SLC9A9: variants seen among roughly 807,000 people sequenced by gnomAD.
SLC9A9 encodes sodium/hydrogen exchanger 9.
A neutral mutation model predicts 77.8 loss-of-function variants in SLC9A9; 62 were observed. That is an observed-to-expected ratio of 0.80 (90% CI 0.65 to 0.98). The LOEUF (loss-of-function observed/expected upper bound fraction) is 0.98. Among genes scored for constraint, SLC9A9 ranks in the 50% least tolerant of loss-of-function variants. SLC9A9 has a pLI of 0.00. For missense variants in SLC9A9, 775 were observed against 774.9 expected (o/e 1.00, Z 0.00); for synonymous variants, 320 against 283.5 (o/e 1.13, Z -1.29).
intron 6 of SLC9A9, among the ~76,000 whole-genome samples, chr3:143,631,443 A>G (rs1381154925): frequency 6.6e-6 from 1 of 152,126 alleles, no homozygotes; most frequent in Non-Finnish European, 1.5e-5. Context: ...CTTTCATATC[A>G]AGGAGAGGGT....
At position 143,704,374 on chromosome 3, in the gene SLC9A9, C is replaced by G. The variant is rs143433400; in HGVS notation, c.534-11067G>C. 5.0e-3 allele frequency among the ~76,000 whole-genome samples: 756 copies of G among 152,250 alleles called. 10 individuals are homozygous for G. Among genetic ancestry groups the G allele is most frequent in the African/African-American group, 0.017 (695 of 41,556 alleles). ...ATAACGCACTGAAAACATCATTCAT[C>G]ATGACGAAGTGGAATTTATCCCAGG... On this transcript the variant is annotated intron_variant, in intron 4 of 15. Coordinates refer to ENST00000316549, the MANE Select transcript of SLC9A9 (RefSeq NM_173653.4).
At chr3:143,435,188 G>A (rs886934176) in intron 12 of SLC9A9, among the ~76,000 whole-genome samples, 3 of 151,706 alleles carry the variant, frequency 2.0e-5, no homozygotes, top group East Asian at 1.9e-4. Flanking sequence ...TTGTATTTTC[G>A]TATGCCTTTT....
At chr3:143,542,493 G>A (rs2036706051) in intron 9 of SLC9A9, among the ~76,000 whole-genome samples, 2 of 152,142 alleles carry the variant, frequency 1.3e-5, no homozygotes, top group Non-Finnish European at 2.9e-5. Flanking sequence ...GAAAGTGACT[G>A]CTTTTGTTAA....
intron 12 of SLC9A9, among the ~76,000 whole-genome samples, chr3:143,430,997 T>A (rs1226096322): frequency 6.6e-6 from 1 of 152,224 alleles, no homozygotes; most frequent in Admixed American, 6.5e-5. Flanking sequence ...TCACTGATTT[T>A]ATCCACTAGT....
At chr3:143,560,255 C>T (rs1286386747) in intron 8 of SLC9A9, among the ~76,000 whole-genome samples, 1 of 152,206 alleles carries the variant, frequency 6.6e-6, no homozygotes, top group Admixed American at 6.5e-5. Context: ...TTGGACCACA[C>T]TTTGAGGAGC....
chr3:143,563,113 G>A (rs893394927), intron 8 of SLC9A9, among the ~76,000 whole-genome samples: 12 of 152,012 alleles, frequency 7.9e-5, no homozygotes, highest in African/African-American at 2.7e-4. Flanking sequence ...TAAAAGAACT[G>A]TTTTGAAAAA....
At chr3:143,372,070 T>C (rs2033071584) in intron 13 of SLC9A9, 5 of 329,374 alleles carry the variant, frequency 1.5e-5, no homozygotes, top group South Asian at 1.3e-4. Flanking sequence ...AAATCATAGA[T>C]CCAAATAAAT....
At chr3:143,573,274 C>T (rs774159203) in intron 8 of SLC9A9, among the ~76,000 whole-genome samples, 42 of 152,134 alleles carry the variant, frequency 2.8e-4, no homozygotes, top group Non-Finnish European at 4.7e-4. Context: ...TCTTACCATT[C>T]GAATGTCCGT....
rs899841651 is a variant in SLC9A9 at position 143,799,207 on chromosome 3, G to A, written c.379-2304C>T. Among the ~76,000 whole-genome samples the A allele has an allele frequency of 1.4e-4, 22 of 152,104 alleles. 1 individual carries two copies. Among genetic ancestry groups the A allele is most frequent in the African/African-American group, 5.3e-4 (22 of 41,408 alleles). ...GTATAAAAACCCAGCCCAGTCCATGGCCCATTTGGCAACAACCCTTAGATG... is the reference window on the plus strand; with the variant it reads ...GTATAAAAACCCAGCCCAGTCCATGACCCATTTGGCAACAACCCTTAGATG... On this transcript the variant is annotated intron_variant, in intron 2 of 15. Coordinates refer to ENST00000316549, the MANE Select transcript of SLC9A9 (RefSeq NM_173653.4).
chr3:143,742,626 T>C (rs1436399585), intron 4 of SLC9A9, among the ~76,000 whole-genome samples: 1 of 152,092 alleles, frequency 6.6e-6, no homozygotes, highest in Non-Finnish European at 1.5e-5. Flanking sequence ...AAATGACAGC[T>C]AAATATAAGG....
Position 143,558,412 on chromosome 3 carries a change from C to T in SLC9A9, c.1001-5962G>A, listed in dbSNP as rs544234160. ...AGCTTGCACCGTGCACCTGGAAAAG[C>T]AACAGACACCCAATACCAGCCCATG... is the stretch of plus-strand genomic sequence containing the variant. On this transcript the variant is annotated intron_variant, in intron 8 of 15. Coordinates refer to ENST00000316549, the MANE Select transcript of SLC9A9 (RefSeq NM_173653.4). 7.5e-4 allele frequency among the ~76,000 whole-genome samples: 114 copies of T among 152,250 alleles called. 2 individuals carry two copies. Among genetic ancestry groups the T allele is most frequent in the Admixed American group, 7.1e-3 (108 of 15,296 alleles).
At chr3:143,817,483 T>C (rs1326330840) in intron 2 of SLC9A9, among the ~76,000 whole-genome samples, 1 of 152,208 alleles carries the variant, frequency 6.6e-6, no homozygotes, top group African/African-American at 2.4e-5. Flanking sequence ...TTTATTCCAT[T>C]TTTATATTAT....
At chr3:143,765,244 G>A (rs1454898460) in intron 4 of SLC9A9, among the ~76,000 whole-genome samples, 1 of 144,022 alleles carries the variant, frequency 6.9e-6, no homozygotes, top group Non-Finnish European at 1.5e-5. Context: ...TCCCTACGTT[G>A]CCCAGGCTGG....
intron 14 of SLC9A9, among the ~76,000 whole-genome samples, chr3:143,325,764 A>G (rs2031582995): frequency 6.6e-6 from 1 of 152,224 alleles, no homozygotes; most frequent in African/African-American, 2.4e-5. Flanking sequence ...GCTGTGGACT[A>G]TCTATTGGTG....
intron 14 of SLC9A9, among the ~76,000 whole-genome samples, chr3:143,280,040 C>T (rs759992671): frequency 1.2e-4 from 18 of 151,984 alleles, no homozygotes; most frequent in South Asian, 4.2e-4. Context: ...AGGCTGGTCT[C>T]GAACTCCTGT....
chr3:143,312,308 T>G (rs2031044414), intron 14 of SLC9A9, among the ~76,000 whole-genome samples: 1 of 152,236 alleles, frequency 6.6e-6, no homozygotes, highest in Admixed American at 6.5e-5. Flanking sequence ...GACCCTCAAT[T>G]GCAATGTCAC....
intron 4 of SLC9A9, among the ~76,000 whole-genome samples, chr3:143,738,653 A>G (rs1486770641): frequency 1.3e-5 from 2 of 152,136 alleles, no homozygotes; most frequent in Admixed American, 6.5e-5. Context: ...CCAGTCCCAT[A>G]AGACTGCCTC....
chr3:143,792,319 T>C (rs2008248646), intron 4 of SLC9A9, among the ~76,000 whole-genome samples: 1 of 152,242 alleles, frequency 6.6e-6, no homozygotes, highest in Non-Finnish European at 1.5e-5. Context: ...TTGATCTGAA[T>C]TTAAGTATGT....
At chr3:143,291,773 T>C (rs2029987568) in intron 14 of SLC9A9, among the ~76,000 whole-genome samples, 1 of 152,232 alleles carries the variant, frequency 6.6e-6, no homozygotes, top group Non-Finnish European at 1.5e-5. Flanking sequence ...TTTTTCCAAA[T>C]TGATTACATG....
Sources: gnomAD v4.1 joint callset for allele counts (sites outside exome capture counted in the v4.1 genomes callset) on GRCh38, gnomAD v4.1.1 for gene constraint, MANE v1.5 for transcripts, NCBI Gene and HGNC (gene_info 2026-07-23, HGNC 2026-07-21) for gene names.